ZNF607: variants seen among roughly 807,000 people sequenced by gnomAD.
ZNF607 encodes the protein zinc finger protein 607.
In ZNF607, 5 loss-of-function variants were observed where a neutral mutation model predicts 12.8. That is an observed-to-expected ratio of 0.39 (90% CI 0.20 to 0.82). The LOEUF (loss-of-function observed/expected upper bound fraction) is 0.82, where lower values mean the gene tolerates loss of function less well. Among genes scored for constraint, ZNF607 ranks in the 40% least tolerant of loss-of-function variants. The pLI is 0.39. For missense variants in ZNF607, 851 were observed against 859.2 expected (o/e 0.99, Z 0.12); for synonymous variants, 287 against 276.2 (o/e 1.04, Z -0.39).
Position 37,697,224 on chromosome 19 carries a change from C to T in ZNF607, c.*816G>A, listed in dbSNP as rs547236523. On this transcript the variant is annotated 3_prime_UTR_variant, in exon 5 of 5. Transcript: ENST00000355202. ...GTCAAAGATAATTGGTTTTTGTACA[C>T]ATGGGATGAGAAAGTGAGTCCCTTC... The T allele has an allele frequency of 4.6e-5, 34 of 742,504 alleles. No individual in the cohort carries two copies. In the South Asian group the frequency reaches 4.6e-4, roughly 10 times the overall value. The allele number at this position is 742,504 out of a possible 1,614,324, so 46.0% of individuals were successfully genotyped here.
At chr19:37,711,838 C>A in intron 1 of ZNF607, 146 bp from the exon 2 acceptor site, 1 of 536,450 alleles carries the variant, frequency 1.9e-6, no homozygotes, top group South Asian at 3.1e-5. Context: ...TCTGGATAAA[C>A]CCATTTCCTC....
intron 4 of ZNF607, among the ~76,000 whole-genome samples, chr19:37,702,289 A>G (rs2045045914): frequency 5.3e-5 from 1 of 18,796 alleles, no homozygotes; most frequent in Non-Finnish European, 2.4e-4. Flanking sequence ...CTCCATCTCA[A>G]AAAAAAAAAA....
Position 37,717,012 on chromosome 19 carries a change from C to T in ZNF607, c.-75+2257G>A, listed in dbSNP as rs375159458. On this transcript the variant is annotated intron_variant, in intron 1 of 4. Transcript: ENST00000355202. ...TTAGTGGACAGGGAAATGGCTTCTG[C>T]ACATCTAATGGGAACAGGTACACAA... 7.9e-5 allele frequency among the ~76,000 whole-genome samples: 12 copies of T among 152,240 alleles called. No homozygotes were observed. In the South Asian group the frequency reaches 2.5e-3, roughly 32 times the overall value.
At position 37,710,895 on chromosome 19, in the gene ZNF607, C is replaced by T. The variant is rs540819560; in HGVS notation, c.9+715G>A. 5.1e-4 allele frequency among the ~76,000 whole-genome samples: 77 copies of T among 152,238 alleles called. 1 individual carries two copies. In the South Asian group the frequency reaches 0.014, roughly 28 times the overall value. On this transcript the variant is annotated intron_variant, in intron 2 of 4. Coordinates refer to ENST00000355202, the MANE Select transcript of ZNF607 (RefSeq NM_032689.5). ...TAGAAAACTAGGTTTCCTGTGACCTCGTGGTGCAACAATAGCGCATCTGAC... is the reference window on the plus strand; with the variant it reads ...TAGAAAACTAGGTTTCCTGTGACCTTGTGGTGCAACAATAGCGCATCTGAC...
In ZNF607 at chr19:37,698,037, C is replaced by G. The variant is rs1293182880; in HGVS notation, c.*3G>C. The G allele has an allele frequency of 6.3e-7, 1 of 1,575,266 alleles. No individual in the cohort carries two copies. The highest frequency in any genetic ancestry group is 1.9e-5 in the Admixed American group (1 of 53,962). ...ACTACCTGTATATGCCACAATTTCT[C>G]TATCAAATATGAATTCTCTGATGTA... On this transcript the variant is annotated 3_prime_UTR_variant, in exon 5 of 5. Coordinates refer to ENST00000355202, the MANE Select transcript of ZNF607 (RefSeq NM_032689.5).
At chr19:37,705,675 ACTCT>A in intron 4 of ZNF607, among the ~76,000 whole-genome samples, 1 of 122,810 alleles carries the variant, frequency 8.1e-6, no homozygotes, top group East Asian at 2.3e-4. Flanking sequence ...AGAAAGCAAG[ACTCT>A]CTCTCCAAAA....
chr19:37,706,350 G>A (rs2045083892), intron 4 of ZNF607: 2 of 152,486 alleles, frequency 1.3e-5, no homozygotes. Flanking sequence ...TGGACATGAT[G>A]TGTCCTGTAA....
chr19:37,699,544 G>T lies in ZNF607; in HGVS notation c.587C>A (p.Pro196His). The T allele has an allele frequency of 6.2e-7, 1 of 1,613,964 alleles. No homozygotes were observed. The highest frequency in any genetic ancestry group is 2.2e-5 in the East Asian group (1 of 44,872). The change falls in exon 5 of 5, where the codon CCC becomes CAC. Residue 196 changes from proline to histidine, a missense_variant. By Grantham distance (77) the Pro-to-His change is moderately conservative (BLOSUM62 -2). Transcript: ENST00000355202. The stretch of plus-strand genomic sequence containing the variant: ...TTCCCCACACTCTTTACATTCATAG[G>T]GTTTCTCAACATGAACTTTCCCATG... ...AQHGKVHVEK[P>H]YECKECGEAF...
Position 37,699,857 on chromosome 19 carries a change from T to C in ZNF607, c.274A>G (p.Met92Val), listed in dbSNP as rs369865212. 6.2e-7 allele frequency: 1 copy of C among 1,602,926 alleles called. No homozygotes were observed. The highest frequency in any genetic ancestry group is 1.3e-5 in the African/African-American group (1 of 74,500). Reference sequence around the variant, plus strand: ...CATGAGTGTTTCCTATAAAGCTGCATTTTCCCATCGCTGATTATTTCACAT... The same window carrying C: ...CATGAGTGTTTCCTATAAAGCTGCACTTTCCCATCGCTGATTATTTCACAT... ...SRCEIISDGK[M>V]QLYRKHSCVT... Residue 92 changes from methionine to valine, a missense_variant, in exon 5 of 5, where the codon ATG becomes GTG. By Grantham distance (21) the Met-to-Val change is conservative (BLOSUM62 1). Transcript: ENST00000355202.
chr19:37,708,436 C>T (rs898462058), intron 3 of ZNF607, among the ~76,000 whole-genome samples: 18 of 151,558 alleles, frequency 1.2e-4, no homozygotes, highest in Non-Finnish European at 2.4e-4. Flanking sequence ...CCTTGTGATC[C>T]GCTCATCTGG....
intron 1 of ZNF607, among the ~76,000 whole-genome samples, chr19:37,712,618 A>G (rs1273599224): frequency 1.3e-5 from 2 of 152,204 alleles, no homozygotes; most frequent in African/African-American, 4.8e-5. Context: ...AAGTAAATAA[A>G]CCTTTGCTTA....
Position 37,698,332 on chromosome 19 carries a change from T to C in ZNF607, c.1799A>G (p.His600Arg). The C allele has an allele frequency of 1.9e-6, 3 of 1,614,162 alleles. No individual in the cohort carries two copies. Among genetic ancestry groups the C allele is most frequent in the East Asian group, 2.2e-5 (1 of 44,884 alleles). ...ECKECGETFSHASHLIIHERI... is the reference protein window; with the variant it reads ...ECKECGETFSRASHLIIHERI... The stretch of plus-strand genomic sequence containing the variant: ...CTCATGAATAATAAGATGTGAAGCA[T>C]GACTAAAAGTTTCCCCACATTCTTT... Residue 600 changes from histidine to arginine, a missense_variant, in exon 5 of 5, where the codon CAT becomes CGT. Physicochemically the swap from His to Arg is conservative, Grantham distance 29. Transcript: ENST00000355202.
At position 37,707,122 on chromosome 19, in the gene ZNF607, G is replaced by A. The variant is rs554478981; in HGVS notation, c.235+792C>T. On this transcript the variant is annotated intron_variant, in intron 4 of 4. Coordinates refer to ENST00000355202, the MANE Select transcript of ZNF607 (RefSeq NM_032689.5). ...ATTACAGGTGTGAGCCACTGAGCCCGGCCAAAATTCACTTTTCTTGATATA... is the reference window on the plus strand; with the variant it reads ...ATTACAGGTGTGAGCCACTGAGCCCAGCCAAAATTCACTTTTCTTGATATA... Among the ~76,000 whole-genome samples the A allele has an allele frequency of 6.6e-5, 10 of 152,234 alleles. No homozygotes were observed. The South Asian group carries it at 1.7e-3, about 25-fold the overall frequency.
chr19:37,712,862 C>A (rs1568407535), intron 1 of ZNF607, among the ~76,000 whole-genome samples: 1 of 152,088 alleles, frequency 6.6e-6, no homozygotes, highest in Non-Finnish European at 1.5e-5. Flanking sequence ...TTTGGGTCCC[C>A]AAACCTAAAC....
intron 2 of ZNF607, among the ~76,000 whole-genome samples, chr19:37,710,924 C>T (rs931024387): frequency 1.3e-5 from 2 of 152,084 alleles, no homozygotes; most frequent in African/African-American, 2.4e-5. Flanking sequence ...ATCTGACTCA[C>T]GCATCTGACT....
intron 1 of ZNF607, among the ~76,000 whole-genome samples, chr19:37,717,299 C>A (rs1359678374): frequency 1.3e-5 from 2 of 152,170 alleles, no homozygotes; most frequent in African/African-American, 4.8e-5. Context: ...CATTCTCCTG[C>A]CTCAGTCTCC....
At chr19:37,710,888 G>C (rs774523692) in intron 2 of ZNF607, among the ~76,000 whole-genome samples, 1 of 152,112 alleles carries the variant, frequency 6.6e-6, no homozygotes, top group Non-Finnish European at 1.5e-5. Context: ...TAGGTTTCCT[G>C]TGACCTCGTG....
intron 3 of ZNF607, among the ~76,000 whole-genome samples, chr19:37,708,475 T>A (rs923147125): frequency 2.6e-5 from 4 of 151,808 alleles, no homozygotes; most frequent in Non-Finnish European, 5.9e-5. Context: ...ATTACAGGCA[T>A]GAGCCACCGT....
At chr19:37,699,933 A>G in intron 4 of ZNF607, 38 bp from the exon 5 acceptor site, 2 of 1,430,974 alleles carry the variant, frequency 1.4e-6, no homozygotes, top group Non-Finnish European at 1.9e-6. Context: ...ATTGGATGAG[A>G]AAATGTCAAT....
Sources: allele counts gnomAD v4.1 joint callset (sites outside exome capture counted in the v4.1 genomes callset), GRCh38; gene constraint gnomAD v4.1.1; transcripts MANE v1.5; gene names NCBI Gene and HGNC (gene_info 2026-07-23, HGNC 2026-07-21).